RIMKLB: variants seen among roughly 807,000 people sequenced by gnomAD.
RIMKLB encodes the protein ribosomal modification protein rimK like family member B, also known as beta-citrylglutamate synthase B.
RIMKLB carries 7 observed loss-of-function variants against 32.0 expected under a neutral mutation model. The ratio of observed to expected loss-of-function variants is 0.22; its 90% confidence interval spans 0.12 to 0.41. The LOEUF is 0.41. Ranked by LOEUF, RIMKLB falls within the 10% of genes least tolerant of loss-of-function variation. The probability of loss-of-function intolerance (pLI) is 1.00; values close to 1 mark genes in which losing one functional copy is unlikely to be tolerated. For missense variants in RIMKLB, 289 were observed against 498.7 expected (o/e 0.58, Z 4.00); for synonymous variants, 172 against 185.1 (o/e 0.93, Z 0.57).
At chr12:8,748,045 C>T (rs1414456357) in intron 2 of RIMKLB, among the ~76,000 whole-genome samples, 6 of 152,128 alleles carry the variant, frequency 3.9e-5, no homozygotes, top group Non-Finnish European at 7.3e-5. Context: ...TGTGAGCCAC[C>T]ACCCAGCCAA....
chr12:8,741,648 C>T (rs1187641368), intron 2 of RIMKLB, among the ~76,000 whole-genome samples: 4 of 148,758 alleles, frequency 2.7e-5, no homozygotes, highest in African/African-American at 5.0e-5. Flanking sequence ...GGCGTGATGG[C>T]GGGTGCCTGT....
intron 5 of RIMKLB, among the ~76,000 whole-genome samples, chr12:8,755,364 C>T (rs1948939239): frequency 6.6e-6 from 1 of 151,672 alleles, no homozygotes; most frequent in South Asian, 2.1e-4. Flanking sequence ...GCCTTCTAAA[C>T]TTGTGGGATT....
chr12:8,764,950 T>C (rs772998500), intron 5 of RIMKLB, among the ~76,000 whole-genome samples: 1 of 149,992 alleles, frequency 6.7e-6, no homozygotes, highest in South Asian at 2.2e-4. Context: ...CTTTTTCTTA[T>C]CTCGTTTGCC....
At chr12:8,748,559 C>CATATAT (rs72006146) in intron 2 of RIMKLB, among the ~76,000 whole-genome samples, 50 of 125,664 alleles carry the variant, frequency 4.0e-4, no homozygotes, top group African/African-American at 1.6e-3. Flanking sequence ...TGTGTGTGTG[C>CATATAT]ATATATATAT....
chr12:8,687,820 GA>G (rs752174507), intron 1 of RIMKLB, among the ~76,000 whole-genome samples: 1,221 of 72,930 alleles, frequency 0.017, 8 homozygotes, highest in East Asian at 0.048. Flanking sequence ...AAGTCAGGAA[GA>G]AAAAAAAAAA....
rs1319679574 is a variant in RIMKLB, at chr12:8,774,518, C to T, written c.*734C>T. 6 of 976,452 alleles carry T rather than the reference C, an allele frequency of 6.1e-6. No homozygotes were observed. Among genetic ancestry groups the T allele is most frequent in the Non-Finnish European group, 2.4e-6 (2 of 823,440 alleles). The allele number at this position is 976,452 out of a possible 1,614,324, so 60.5% of individuals were successfully genotyped here. ...CACTAGTTTAAAATATGTGCATTCA[C>T]TTGTATTTGTTAGTGTTTTAGTCTT... On this transcript the variant is annotated 3_prime_UTR_variant, in exon 6 of 6. Transcript: ENST00000535829.
chr12:8,780,558 A>G (rs1950971974), downstream of RIMKLB: 1 of 152,224 alleles, frequency 6.6e-6, no homozygotes, highest in African/African-American at 2.4e-5. Context: ...CTTTTTCTAT[A>G]TACCCTTCTG....
the RIMKLB span, among the ~76,000 whole-genome samples, chr12:8,675,958 T>G: frequency 3.3e-5 from 5 of 152,180 alleles, no homozygotes; most frequent in South Asian, 1.0e-3. Flanking sequence ...CTAGTCATTG[T>G]GCAGGACAAG....
At chr12:8,732,757 A>G (rs1946660891) in intron 2 of RIMKLB, among the ~76,000 whole-genome samples, 1 of 136,886 alleles carries the variant, frequency 7.3e-6, no homozygotes, top group Non-Finnish European at 1.5e-5. Flanking sequence ...ATATATATAT[A>G]CACACACACA....
At chr12:8,773,190 A>G in intron 5 of RIMKLB, 131 bp from the exon 6 acceptor site, 2 of 651,666 alleles carry the variant, frequency 3.1e-6, no homozygotes, top group East Asian at 2.7e-5. Flanking sequence ...TAGAAGTCCT[A>G]ATTTTACACT....
the RIMKLB span, among the ~76,000 whole-genome samples, chr12:8,674,820 A>G: frequency 2.0e-5 from 3 of 148,294 alleles, no homozygotes; most frequent in Non-Finnish European, 3.0e-5. Flanking sequence ...AAAGTACTAG[A>G]ATTACAGTCA....
At chr12:8,699,528 C>G (rs1397139281) in intron 1 of RIMKLB, among the ~76,000 whole-genome samples, 2 of 152,078 alleles carry the variant, frequency 1.3e-5, no homozygotes, top group African/African-American at 2.4e-5. Flanking sequence ...TAGTATGCAA[C>G]CCTCTAATTT....
At chr12:8,676,741 T>C (rs1024102262), upstream of RIMKLB, among the ~76,000 whole-genome samples, 1 of 152,112 alleles carries the variant, frequency 6.6e-6, no homozygotes, top group African/African-American at 2.4e-5. Context: ...ATCTATGTCC[T>C]CAACTCTAAG....
intron 1 of RIMKLB, among the ~76,000 whole-genome samples, chr12:8,710,038 G>A (rs12314072): frequency 0.024 from 3,604 of 152,126 alleles, 133 homozygotes; most frequent in African/African-American, 0.082. Flanking sequence ...CCAGGCTGGA[G>A]TCCAGTGGCA....
upstream of RIMKLB, among the ~76,000 whole-genome samples, chr12:8,692,212 CAG>C (rs1214016373): frequency 3.9e-5 from 6 of 152,178 alleles, no homozygotes; most frequent in East Asian, 1.2e-3. Context: ...TCTCTTCAGT[CAG>C]AGAGGACTAA....
Position 8,715,067 on chromosome 12 carries a change from A to G in RIMKLB, c.175+1026A>G, listed in dbSNP as rs1944694245. On this transcript the variant is annotated intron_variant, in intron 2 of 5. Coordinates refer to ENST00000535829, the MANE Select transcript of RIMKLB (RefSeq NM_001297776.2). ...TCTTGTCTAAATTAAAAATGTTACCATAGGTTGAGTATCACACTAAGTATA... is the reference window on the plus strand; with the variant it reads ...TCTTGTCTAAATTAAAAATGTTACCGTAGGTTGAGTATCACACTAAGTATA... 2.0e-5 allele frequency among the ~76,000 whole-genome samples: 3 copies of G among 152,294 alleles called. No homozygotes were observed. In the South Asian group the frequency reaches 6.2e-4, roughly 32 times the overall value.
chr12:8,693,804 A>G (rs1942803772), upstream of RIMKLB, among the ~76,000 whole-genome samples: 2 of 152,222 alleles, frequency 1.3e-5, no homozygotes, highest in African/African-American at 2.4e-5. Flanking sequence ...TAATTCTAAC[A>G]TCTCTGTTGT....
At chr12:8,752,710 G>C (rs1948716415) in intron 4 of RIMKLB, among the ~76,000 whole-genome samples, 1 of 152,046 alleles carries the variant, frequency 6.6e-6, no homozygotes, top group South Asian at 2.1e-4. Flanking sequence ...AGGTAGTTTA[G>C]GTAGGTTGTT....
downstream of RIMKLB, among the ~76,000 whole-genome samples, chr12:8,781,908 A>G (rs772104454): frequency 2.6e-4 from 39 of 152,158 alleles, no homozygotes; most frequent in Admixed American, 4.6e-4. Context: ...TATTCACCCA[A>G]CTACTTATTT....
Sources: gnomAD v4.1 joint callset for allele counts (sites outside exome capture counted in the v4.1 genomes callset) on GRCh38, gnomAD v4.1.1 for gene constraint, MANE v1.5 for transcripts, NCBI Gene and HGNC (gene_info 2026-07-23, HGNC 2026-07-21) for gene names.